Variants in GOLGA1 observed in about 807,000 individuals in gnomAD.
GOLGA1 encodes the protein golgin A1.
Under a neutral mutation model 119.7 loss-of-function variants are expected in GOLGA1, and 63 were observed. The observed-to-expected ratio is 0.53, with a 90% CI of 0.43 to 0.65. The LOEUF is 0.65. GOLGA1 is among the 30% of genes least tolerant of loss of function. GOLGA1 has a pLI of 0.00. For synonymous variants in GOLGA1, 318 were observed against 333.4 expected (o/e 0.95, Z 0.50); for missense variants, 798 against 912.8 (o/e 0.87, Z 1.62).
At chr9:124,890,720 C>G (rs79327267) in intron 15 of GOLGA1, among the ~76,000 whole-genome samples, 62 of 152,212 alleles carry the variant, frequency 4.1e-4, no homozygotes, top group South Asian at 1.7e-3. Flanking sequence ...GATTGCCCCA[C>G]GAGCACCCCC....
intron 3 of GOLGA1, 69 bp from the exon 4 acceptor site, chr9:124,931,475 G>A (rs2131523388): frequency 1.3e-6 from 1 of 791,004 alleles, no homozygotes; most frequent in South Asian, 1.4e-5. Context: ...GCCAGAAAGT[G>A]ACAAGTCTTA....
chr9:124,936,008 G>T (rs1830859545), intron 3 of GOLGA1, among the ~76,000 whole-genome samples: 1 of 152,154 alleles, frequency 6.6e-6, no homozygotes. Flanking sequence ...AGGGTCTGGA[G>T]ATAGGAACTG....
intron 20 of GOLGA1, 131 bp downstream of exon 20, chr9:124,882,379 C>T (rs1233034110): frequency 3.4e-5 from 23 of 685,608 alleles, no homozygotes; most frequent in South Asian, 2.9e-4. Context: ...CGTTGGATTG[C>T]CCAGCGATCC....
intron 3 of GOLGA1, among the ~76,000 whole-genome samples, chr9:124,935,553 T>G (rs967389172): frequency 6.6e-6 from 1 of 151,996 alleles, no homozygotes; most frequent in Non-Finnish European, 1.5e-5. Flanking sequence ...TCCTAGCACT[T>G]TGGGAGGCCA....
At chr9:124,921,920 G>A (rs780487212) in intron 8 of GOLGA1, 28 bp from the exon 9 acceptor site, 10 of 1,588,214 alleles carry the variant, frequency 6.3e-6, no homozygotes. Context: ...AGTTTCATTG[G>A]GCTATGCTAA....
intron 19 of GOLGA1, 101 bp from the exon 20 acceptor site, chr9:124,882,670 G>A (rs1829617997): frequency 3.3e-6 from 3 of 907,926 alleles, no homozygotes; most frequent in African/African-American, 1.6e-5. Flanking sequence ...ACACCTGTGA[G>A]GAGCCTCTGC....
intron 15 of GOLGA1, among the ~76,000 whole-genome samples, chr9:124,891,619 A>G (rs1829855316): frequency 6.6e-6 from 1 of 151,786 alleles, no homozygotes; most frequent in South Asian, 2.1e-4. Flanking sequence ...AGTCCTCGCT[A>G]CTATGAGAGG....
chr9:124,895,044 A>G (rs1295288147), intron 15 of GOLGA1, among the ~76,000 whole-genome samples: 3 of 151,532 alleles, frequency 2.0e-5, no homozygotes, highest in Non-Finnish European at 4.4e-5. Context: ...ACCACCCACA[A>G]CAAAGAACCA....
At chr9:124,882,108 G>T (rs1216561658) in intron 20 of GOLGA1, among the ~76,000 whole-genome samples, 154 bp from the exon 21 acceptor site, 1 of 152,208 alleles carries the variant, frequency 6.6e-6, no homozygotes, top group Non-Finnish European at 1.5e-5. Context: ...GCTTGAGGAG[G>T]GAGTGACATC....
Position 124,939,550 on chromosome 9 carries a change from C to CTTTTT in GOLGA1, c.-156+551_-156+555dup, listed in dbSNP as rs3051147. ...TCCAATGAGTTTATTTTCTTTCTTT[C>CTTTTT]TTTTTTTTTTTTTTTTTTTTTTTTT... On this transcript the variant is annotated intron_variant, in intron 2 of 22. Transcript: ENST00000373555. Among the ~76,000 whole-genome samples, 298 of 81,798 alleles carry CTTTTT rather than the reference C, an allele frequency of 3.6e-3. 4 individuals are homozygous for CTTTTT. Among genetic ancestry groups the CTTTTT allele is most frequent in the Middle Eastern group, 0.013 (1 of 78 alleles). 53.7% of individuals were successfully genotyped at this position (81,798 alleles called of 152,430 possible).
intron 15 of GOLGA1, among the ~76,000 whole-genome samples, chr9:124,891,764 C>G (rs7044218): frequency 0.017 from 2,657 of 151,912 alleles, 75 homozygotes; most frequent in African/African-American, 0.061. Flanking sequence ...CCTGCCTCCC[C>G]CTCCCGAGTA....
intron 4 of GOLGA1, 137 bp downstream of exon 4, chr9:124,931,179 A>G (rs1830764630): frequency 1.7e-6 from 1 of 584,356 alleles, no homozygotes; most frequent in Non-Finnish European, 3.1e-6. Flanking sequence ...AGAAGAGGGT[A>G]TACTTGCTCC....
At chr9:124,885,320 C>T (rs1280188413) in intron 19 of GOLGA1, among the ~76,000 whole-genome samples, 1 of 101,018 alleles carries the variant, frequency 9.9e-6, no homozygotes, top group South Asian at 3.4e-4. Flanking sequence ...GAGACTCCAT[C>T]TCAAAAAAAA....
intron 13 of GOLGA1, chr9:124,900,221 T>G (rs1830072486): frequency 2.6e-6 from 1 of 378,100 alleles, no homozygotes; most frequent in Admixed American, 4.6e-5. Flanking sequence ...GAAGGTGGGA[T>G]GTAAGGTGGA....
chr9:124,905,511 C>T (rs908024040), intron 12 of GOLGA1, among the ~76,000 whole-genome samples: 1 of 152,018 alleles, frequency 6.6e-6, no homozygotes, highest in East Asian at 1.9e-4. Context: ...AAATGTTACA[C>T]CAAATAATGA....
In GOLGA1 at chr9:124,919,936, ATATT is replaced by A. The variant is rs537511505; in HGVS notation, c.843+1189_843+1192del. On this transcript the variant is annotated intron_variant, in intron 10 of 22. Coordinates refer to ENST00000373555, the MANE Select transcript of GOLGA1 (RefSeq NM_002077.4). ...TGGGAAATACTACTTTATTTTATTT[ATATT>A]TATTTATTTATTTATTTATTTTATT... Among the ~76,000 whole-genome samples, 212 of 151,612 alleles carry A rather than the reference ATATT, an allele frequency of 1.4e-3. 3 individuals carry two copies. In the East Asian group the frequency reaches 0.031, roughly 22 times the overall value.
At chr9:124,913,912 C>T (rs1337186192) in intron 10 of GOLGA1, among the ~76,000 whole-genome samples, 1 of 152,160 alleles carries the variant, frequency 6.6e-6, no homozygotes, top group Admixed American at 6.5e-5. Flanking sequence ...TAAAGGGCAG[C>T]ACATACAAAG....
At chr9:124,929,805 G>A (rs1830741044) in intron 4 of GOLGA1, among the ~76,000 whole-genome samples, 1 of 152,038 alleles carries the variant, frequency 6.6e-6, no homozygotes, top group African/African-American at 2.4e-5. Flanking sequence ...TTTCTACACA[G>A]GAACTTGGTA....
At chr9:124,941,129 G>A (rs1164531657), upstream of GOLGA1, 1 of 152,280 alleles carries the variant, frequency 6.6e-6, no homozygotes, top group Non-Finnish European at 1.5e-5. Flanking sequence ...TGGGGGGAGG[G>A]GGTTGGTCCG....
Sources: allele counts gnomAD v4.1 joint callset (sites outside exome capture counted in the v4.1 genomes callset), GRCh38; gene constraint gnomAD v4.1.1; transcripts MANE v1.5; gene names NCBI Gene and HGNC (gene_info 2026-07-23, HGNC 2026-07-21).